The following SKAP1 variants were observed in gnomAD, a reference collection of about 807,000 sequenced individuals.
SKAP1 encodes the protein src kinase associated phosphoprotein 1.
SKAP1 carries 44 observed loss-of-function variants against 58.5 expected under a neutral mutation model. That is an observed-to-expected ratio of 0.75 (90% CI 0.59 to 0.97). The LOEUF (loss-of-function observed/expected upper bound fraction) is 0.97. Ranked by LOEUF, SKAP1 falls within the 50% of genes least tolerant of loss-of-function variation. The pLI, the probability that SKAP1 is intolerant of heterozygous loss-of-function variation, is 0.00. For missense variants in SKAP1, 390 were observed against 435.2 expected, an observed-to-expected ratio of 0.90 and a Z score of 0.92; for synonymous variants, 127 against 149.7, an observed-to-expected ratio of 0.85 and a Z score of 1.11.
At chr17:48,288,000 A>G (rs925688278) in intron 4 of SKAP1, among the ~76,000 whole-genome samples, 8 of 152,250 alleles carry the variant, frequency 5.3e-5, no homozygotes, top group Non-Finnish European at 1.0e-4. Context: ...TTTTTAAAAA[A>G]GAGAAAAATT....
In SKAP1 at chr17:48,425,314, A is replaced by T. The variant is rs143837755; in HGVS notation, c.46+4761T>A. 4.9e-4 allele frequency among the ~76,000 whole-genome samples: 75 copies of T among 152,314 alleles called. 1 individual carries two copies. Among genetic ancestry groups the T allele is most frequent in the Admixed American group, 1.3e-3 (20 of 15,290 alleles). On this transcript the variant is annotated intron_variant, in intron 1 of 12. Transcript: ENST00000336915. Reference sequence around the variant, plus strand: ...ACAAGTGAAAAATTATAAGTAGAAAAATCAATAGACAAACCTGTGCACAAA... The same window carrying T: ...ACAAGTGAAAAATTATAAGTAGAAATATCAATAGACAAACCTGTGCACAAA...
chr17:48,393,365 T>TA (rs1171415635), intron 2 of SKAP1, among the ~76,000 whole-genome samples: 1 of 152,168 alleles, frequency 6.6e-6, no homozygotes, highest in Non-Finnish European at 1.5e-5. Context: ...TTTCTAAGTC[T>TA]AAAAAAAGAT....
At chr17:48,370,763 A>G (rs2067073911) in intron 2 of SKAP1, among the ~76,000 whole-genome samples, 1 of 152,236 alleles carries the variant, frequency 6.6e-6, no homozygotes, top group African/African-American at 2.4e-5. Context: ...TCAACCCCGT[A>G]ATCCCATTAC....
intron 4 of SKAP1, chr17:48,344,343 A>T: frequency 7.6e-6 from 2 of 262,996 alleles, no homozygotes; most frequent in Non-Finnish European, 1.2e-5. Context: ...AAAACACTGT[A>T]TTGGTTAGAA....
intron 2 of SKAP1, among the ~76,000 whole-genome samples, chr17:48,386,801 C>T (rs978449740): frequency 1.3e-5 from 2 of 152,198 alleles, no homozygotes; most frequent in Non-Finnish European, 2.9e-5. Flanking sequence ...TAGCTACATA[C>T]ACTGCTTTCA....
chr17:48,353,255 C>A (rs1166755921), intron 3 of SKAP1, among the ~76,000 whole-genome samples: 1 of 152,074 alleles, frequency 6.6e-6, no homozygotes, highest in African/African-American at 2.4e-5. Context: ...TTTTCCAGCA[C>A]CTTCTGTTTG....
intron 4 of SKAP1, among the ~76,000 whole-genome samples, chr17:48,231,197 G>A (rs1282623708): frequency 6.6e-6 from 1 of 152,170 alleles, no homozygotes; most frequent in Non-Finnish European, 1.5e-5. Context: ...TGTTTCACCA[G>A]ATATCAGAAT....
Position 48,274,381 on chromosome 17 carries a change from G to A in SKAP1, c.280+71524C>T, listed in dbSNP as rs185826356. ...ACTGCACTCCAGTCTGGGTTACAGAGTGAGACTCTGCATCAAAAAAAAAAA... is the reference window on the plus strand; with the variant it reads ...ACTGCACTCCAGTCTGGGTTACAGAATGAGACTCTGCATCAAAAAAAAAAA... On this transcript the variant is annotated intron_variant, in intron 4 of 12. Coordinates refer to ENST00000336915, the MANE Select transcript of SKAP1 (RefSeq NM_003726.4). 7.9e-5 allele frequency among the ~76,000 whole-genome samples: 12 copies of A among 151,642 alleles called. No individual in the cohort carries two copies. In the East Asian group the frequency reaches 2.1e-3, roughly 27 times the overall value.
At chr17:48,297,766 A>G (rs1229975844) in intron 4 of SKAP1, among the ~76,000 whole-genome samples, 1 of 152,244 alleles carries the variant, frequency 6.6e-6, no homozygotes, top group Non-Finnish European at 1.5e-5. Flanking sequence ...AAAAAGAACA[A>G]AAGGGCCTAT....
intron 4 of SKAP1, among the ~76,000 whole-genome samples, chr17:48,273,174 A>C (rs2065655668): frequency 6.6e-6 from 1 of 152,136 alleles, no homozygotes; most frequent in Non-Finnish European, 1.5e-5. Context: ...ACCACACTCG[A>C]TACCCTTTCC....
At chr17:48,421,516 G>C (rs548235040) in intron 1 of SKAP1, among the ~76,000 whole-genome samples, 3 of 151,976 alleles carry the variant, frequency 2.0e-5, no homozygotes, top group Admixed American at 6.5e-5. Flanking sequence ...TCTTGGCCAG[G>C]CTGGTCTCGA....
intron 11 of SKAP1, among the ~76,000 whole-genome samples, chr17:48,157,533 CCT>C (rs1450473870): frequency 2.0e-5 from 2 of 102,550 alleles, no homozygotes; most frequent in Non-Finnish European, 4.5e-5. Flanking sequence ...CCGTGCCCGG[CCT>C]CTTTTTTTTT....
intron 1 of SKAP1, among the ~76,000 whole-genome samples, chr17:48,422,841 G>A (rs1373785098): frequency 1.3e-5 from 2 of 151,998 alleles, no homozygotes; most frequent in Non-Finnish European, 2.9e-5. Context: ...TGAATGATGA[G>A]GAAAGAATAC....
chr17:48,239,278 C>T (rs2938481), intron 4 of SKAP1, among the ~76,000 whole-genome samples: 1 of 152,154 alleles, frequency 6.6e-6, no homozygotes, highest in African/African-American at 2.4e-5. Flanking sequence ...GTATCTCAGA[C>T]CCAGGCTGAG....
At chr17:48,321,290 G>A (rs2066359496) in intron 4 of SKAP1, among the ~76,000 whole-genome samples, 1 of 151,432 alleles carries the variant, frequency 6.6e-6, no homozygotes, top group Non-Finnish European at 1.5e-5. Context: ...TATTTTAAAA[G>A]ATTTTCAGGA....
the SKAP1 span, among the ~76,000 whole-genome samples, chr17:48,439,234 G>T: frequency 6.6e-6 from 1 of 152,156 alleles, no homozygotes; most frequent in Admixed American, 6.5e-5. Context: ...GTGATATTTT[G>T]CATCATGAGA....
At chr17:48,282,861 A>G (rs1203524691) in intron 4 of SKAP1, among the ~76,000 whole-genome samples, 2 of 152,108 alleles carry the variant, frequency 1.3e-5, no homozygotes, top group African/African-American at 4.8e-5. Flanking sequence ...CCTCTGATAA[A>G]TGCAAACCCA....
intron 9 of SKAP1, among the ~76,000 whole-genome samples, chr17:48,175,205 C>T (rs747171031): frequency 9.9e-5 from 15 of 152,038 alleles, no homozygotes; most frequent in Non-Finnish European, 2.2e-4. Context: ...GAAAGAATAA[C>T]ATTAGAAAAA....
intron 4 of SKAP1, chr17:48,203,715 CAT>C (rs2064758638): frequency 6.6e-6 from 1 of 152,064 alleles, no homozygotes; most frequent in African/African-American, 2.4e-5. Flanking sequence ...AGAGGCTGCA[CAT>C]ATTGGATGGC....
Sources: allele counts gnomAD v4.1 joint callset (sites outside exome capture counted in the v4.1 genomes callset), GRCh38; gene constraint gnomAD v4.1.1; transcripts MANE v1.5; gene names NCBI Gene and HGNC (gene_info 2026-07-23, HGNC 2026-07-21).